ANKIB1: variants seen among roughly 807,000 people sequenced by gnomAD.
The protein encoded by ANKIB1 is ankyrin repeat and IBR domain-containing protein 1.
In ANKIB1, 43 loss-of-function variants were observed where a neutral mutation model predicts 122.1. That is an observed-to-expected ratio of 0.35 (90% CI 0.28 to 0.45). The LOEUF (loss-of-function observed/expected upper bound fraction) is 0.45, where lower values mean the gene tolerates loss of function less well. Ranked by LOEUF, ANKIB1 falls within the 20% of genes least tolerant of loss-of-function variation. The pLI, the probability that ANKIB1 is intolerant of heterozygous loss-of-function variation, is 1.00. For missense variants in ANKIB1, 992 were observed against 1,329.5 expected (o/e 0.75, Z 3.95); for synonymous variants, 390 against 442.0 (o/e 0.88, Z 1.48).
chr7:92,396,238 C>A, intron 17 of ANKIB1, 127 bp from the exon 18 acceptor site: 1 of 646,138 alleles, frequency 1.5e-6, no homozygotes, highest in Non-Finnish European at 2.7e-6. Flanking sequence ...ATGTTTCAGC[C>A]AAGTGATTTT....
chr7:92,265,945 A>G (rs999834430), intron 1 of ANKIB1, among the ~76,000 whole-genome samples: 6 of 152,234 alleles, frequency 3.9e-5, no homozygotes, highest in Non-Finnish European at 7.3e-5. Flanking sequence ...AATCATCAGT[A>G]TATGTAAGTT....
chr7:92,274,154 T>C (rs960701578), intron 1 of ANKIB1, among the ~76,000 whole-genome samples: 7 of 152,164 alleles, frequency 4.6e-5, no homozygotes, highest in Non-Finnish European at 8.8e-5. Flanking sequence ...ACTACTGATA[T>C]TATTATTTAT....
In ANKIB1 at chr7:92,294,907, G is replaced by C; in HGVS notation, c.-72G>C. ...TCATTAGAATGTGAAAGATGTTGCA[G>C]AAGTGTTCCAGAAGTGGCTGAAGAT... is the stretch of plus-strand genomic sequence containing the variant. On this transcript the variant is annotated 5_prime_UTR_variant, in exon 2 of 20. Transcript: ENST00000265742. 1 of 1,125,428 alleles carries C rather than the reference G, an allele frequency of 8.9e-7. No homozygotes were observed. The highest frequency in any genetic ancestry group is 1.2e-6 in the Non-Finnish European group (1 of 805,188). 69.7% of individuals were successfully genotyped at this position (1,125,428 alleles called of 1,614,324 possible). A position where few individuals can be genotyped will look rare whatever the true frequency, so the allele number is the denominator to read the frequency against.
intron 9 of ANKIB1, among the ~76,000 whole-genome samples, chr7:92,354,748 A>G (rs561161517): frequency 1.4e-4 from 22 of 152,210 alleles, no homozygotes; most frequent in Middle Eastern, 3.4e-3. Context: ...CTGTAATTTT[A>G]AAATCTAAGT....
rs1307895777 is a variant in ANKIB1 at position 92,246,189 on chromosome 7, A to G, written c.-421A>G. 5.6e-6 allele frequency: 2 copies of G among 358,894 alleles called. No individual in the cohort carries two copies. The highest frequency in any genetic ancestry group is 4.9e-5 in the Admixed American group (1 of 20,496). The allele number at this position is 358,894 out of a possible 1,614,324, so 22.2% of individuals were successfully genotyped here. ...TGAGCCGGGCTTGACCGCGAGGCGGAGGCAAGAGCCACCGCCCCCTCTTCC... is the reference window on the plus strand; with the variant it reads ...TGAGCCGGGCTTGACCGCGAGGCGGGGGCAAGAGCCACCGCCCCCTCTTCC... On this transcript the variant is annotated 5_prime_UTR_variant, in exon 1 of 20. Coordinates refer to ENST00000265742, the MANE Select transcript of ANKIB1 (RefSeq NM_019004.2).
At chr7:92,336,281 T>C (rs912278755) in intron 5 of ANKIB1, among the ~76,000 whole-genome samples, 1 of 149,310 alleles carries the variant, frequency 6.7e-6, no homozygotes, top group African/African-American at 2.4e-5. Flanking sequence ...ACAGTAAAAA[T>C]TTTTTTTTTT....
At chr7:92,339,718 C>T (rs1038695651) in intron 5 of ANKIB1, among the ~76,000 whole-genome samples, 1 of 152,176 alleles carries the variant, frequency 6.6e-6, no homozygotes, top group Admixed American at 6.5e-5. Flanking sequence ...TTTCTCTCTA[C>T]ATATAGCTGT....
intron 1 of ANKIB1, among the ~76,000 whole-genome samples, chr7:92,292,886 T>G (rs555706054): frequency 6.6e-6 from 1 of 152,190 alleles, no homozygotes; most frequent in African/African-American, 2.4e-5. Context: ...AACCGTGAGG[T>G]AAACCATGAG....
At chr7:92,253,081 A>C (rs1023435917) in intron 1 of ANKIB1, among the ~76,000 whole-genome samples, 6 of 152,298 alleles carry the variant, frequency 3.9e-5, no homozygotes, top group Admixed American at 3.3e-4. Flanking sequence ...ACTCATGTAC[A>C]TACATAATTA....
intron 9 of ANKIB1, among the ~76,000 whole-genome samples, chr7:92,354,641 G>A (rs1803747267): frequency 6.6e-6 from 1 of 151,776 alleles, no homozygotes; most frequent in African/African-American, 2.4e-5. Context: ...GATTTTTTTT[G>A]CATTGCCTAC....
intron 3 of ANKIB1, among the ~76,000 whole-genome samples, chr7:92,317,120 T>G (rs944188869): frequency 6.6e-6 from 1 of 152,194 alleles, no homozygotes; most frequent in Non-Finnish European, 1.5e-5. Context: ...GAAATAGTAA[T>G]AGATCCTGCT....
At chr7:92,347,613 T>A (rs960460989) in intron 7 of ANKIB1, among the ~76,000 whole-genome samples, 3 of 152,194 alleles carry the variant, frequency 2.0e-5, no homozygotes, top group Non-Finnish European at 4.4e-5. Context: ...ACCCTGTCGA[T>A]TGATTGATCG....
intron 1 of ANKIB1, among the ~76,000 whole-genome samples, chr7:92,252,109 G>A (rs1801341451): frequency 6.6e-6 from 1 of 152,100 alleles, no homozygotes; most frequent in Non-Finnish European, 1.5e-5. Flanking sequence ...GCCCTTCTTA[G>A]TGTGTTGCAT....
At chr7:92,379,414 T>C (rs1325585473) in intron 11 of ANKIB1, among the ~76,000 whole-genome samples, 1 of 152,048 alleles carries the variant, frequency 6.6e-6, no homozygotes, top group Non-Finnish European at 1.5e-5. Flanking sequence ...TCAGAAGTTA[T>C]ACGGCGGGAT....
rs1803470956 is a variant in ANKIB1, at chr7:92,343,212, G to A, written c.976G>A (p.Gly326Arg). 1 of 1,613,752 alleles carries A rather than the reference G, an allele frequency of 6.2e-7. No homozygotes were observed. The change falls in exon 6 of 20, where the codon GGG (glycine) becomes AGG (arginine). Residue 326 changes from glycine (G) to arginine (R), a missense_variant. By Grantham distance (125) the Gly-to-Arg change is moderately radical. Coordinates refer to ENST00000265742, the MANE Select transcript of ANKIB1 (RefSeq NM_019004.2). The part of the protein sequence containing the change: ...TSPDEISLSP[G>R]DLDTSLCDIC... ...CCCAGATGAAATCAGCTTATCTCCT[G>A]GGGATTTAGACACCAGTTTGGTATG...
intron 9 of ANKIB1, among the ~76,000 whole-genome samples, chr7:92,357,472 C>G: frequency 6.6e-6 from 1 of 152,066 alleles, no homozygotes; most frequent in East Asian, 1.9e-4. Flanking sequence ...CACTGGCTTA[C>G]GGGTATAATC....
intron 16 of ANKIB1, among the ~76,000 whole-genome samples, chr7:92,391,780 T>C (rs1309014871): frequency 6.6e-6 from 1 of 152,102 alleles, no homozygotes; most frequent in East Asian, 1.9e-4. Context: ...ATATTTGTAG[T>C]TATTTAAGTG....
At chr7:92,282,856 G>A (rs1802037343) in intron 1 of ANKIB1, among the ~76,000 whole-genome samples, 1 of 152,162 alleles carries the variant, frequency 6.6e-6, no homozygotes, top group South Asian at 2.1e-4. Context: ...ATAGGTAATT[G>A]TGTTTTCATG....
chr7:92,335,914 G>C (rs1271776374), intron 5 of ANKIB1, among the ~76,000 whole-genome samples: 1 of 151,822 alleles, frequency 6.6e-6, no homozygotes, highest in Non-Finnish European at 1.5e-5. Flanking sequence ...TATCTGTTGG[G>C]TTTTTAGCTA....
Sources: allele counts gnomAD v4.1 joint callset (sites outside exome capture counted in the v4.1 genomes callset), GRCh38; gene constraint gnomAD v4.1.1; transcripts MANE v1.5; gene names NCBI Gene and HGNC (gene_info 2026-07-23, HGNC 2026-07-21).